Variants in NEDD4L observed in about 807,000 individuals in gnomAD.
The protein encoded by NEDD4L is E3 ubiquitin-protein ligase NEDD4-like.
In NEDD4L, 54 loss-of-function variants were observed where a neutral mutation model predicts 148.9. That is an observed-to-expected ratio of 0.36 (90% confidence interval 0.29 to 0.45). The LOEUF (loss-of-function observed/expected upper bound fraction) is 0.45. Ranked by LOEUF, NEDD4L falls within the 20% of genes least tolerant of loss-of-function variation. The pLI is 1.00. For synonymous variants in NEDD4L, 433 were observed against 440.7 expected (o/e 0.98, Z 0.22); for missense variants, 856 against 1,233.8 (o/e 0.69, Z 4.59).
intron 6 of NEDD4L, among the ~76,000 whole-genome samples, chr18:58,317,503 T>C (rs962411538): frequency 3.9e-5 from 6 of 152,180 alleles, no homozygotes; most frequent in African/African-American, 1.2e-4. Flanking sequence ...GAAATTATTT[T>C]CTGAGAGGCA....
intron 1 of NEDD4L, among the ~76,000 whole-genome samples, chr18:58,116,757 T>C (rs1219899244): frequency 3.3e-5 from 5 of 152,252 alleles, no homozygotes; most frequent in African/African-American, 1.2e-4. Context: ...TTAGGCAGAC[T>C]TAACATCCCC....
rs774438248 is a variant in NEDD4L, at chr18:58,328,975, C to G, written c.681-20C>G. The G allele has an allele frequency of 9.9e-6, 16 of 1,613,928 alleles. 1 individual carries two copies. In the South Asian group the frequency reaches 1.6e-4, roughly 17 times the overall value. On this transcript the variant is annotated intron_variant, in intron 9 of 30. Transcript: ENST00000400345. ...TCAACCACTTCTCTTCTTCTCTTTC[C>G]CCCTTTCCTGCATGCTCAGGGACGT...
rs2059195118 is a variant in NEDD4L, at chr18:58,325,115, T to C, written c.633T>C (p.Tyr211=). 2 of 1,613,930 alleles carry C rather than the reference T, an allele frequency of 1.2e-6. No homozygotes were observed. The highest frequency in any genetic ancestry group is 1.7e-6 in the Non-Finnish European group (2 of 1,179,898). The change falls in exon 9 of 31, where the codon TAT becomes TAC. Residue 211 remains tyrosine (Y), a synonymous_variant. Transcript: ENST00000400345. Reference sequence around the variant, plus strand: ...TGGACAATTTAGGCCGAACTTACTATGTCAACCACAACAACCGGACCACTC... The same window carrying C: ...TGGACAATTTAGGCCGAACTTACTACGTCAACCACAACAACCGGACCACTC... ...EKVDNLGRTY[Y]VNHNNRTTQW...
At chr18:58,245,140 G>C (rs186618515) in intron 2 of NEDD4L, among the ~76,000 whole-genome samples, 3 of 152,320 alleles carry the variant, frequency 2.0e-5, no homozygotes, top group African/African-American at 7.2e-5. Context: ...TGTAAAGTCT[G>C]AACAAAATCT....
intron 2 of NEDD4L, among the ~76,000 whole-genome samples, chr18:58,207,201 G>A (rs966266143): frequency 2.0e-5 from 3 of 152,120 alleles, no homozygotes; most frequent in Non-Finnish European, 4.4e-5. Flanking sequence ...ACAAGTAGCT[G>A]TATATCACGG....
At chr18:58,079,959 A>C (rs1238289038) in intron 1 of NEDD4L, among the ~76,000 whole-genome samples, 2 of 152,092 alleles carry the variant, frequency 1.3e-5, no homozygotes, top group Non-Finnish European at 2.9e-5. Context: ...GCAGAGCCTC[A>C]CTCTGTTGCC....
intron 5 of NEDD4L, among the ~76,000 whole-genome samples, chr18:58,298,335 G>T (rs2055974359): frequency 6.6e-6 from 1 of 152,170 alleles, no homozygotes; most frequent in South Asian, 2.1e-4. Context: ...GGGAATACCT[G>T]ATGTTCAGCT....
intron 1 of NEDD4L, chr18:58,046,838 C>T (rs778787245): frequency 1.5e-4 from 23 of 152,168 alleles, no homozygotes; most frequent in Admixed American, 1.4e-3. Context: ...GTATTTAGTT[C>T]CACACACATT....
chr18:58,062,685 T>A (rs1485350385), intron 1 of NEDD4L, among the ~76,000 whole-genome samples: 3 of 152,148 alleles, frequency 2.0e-5, no homozygotes, highest in Non-Finnish European at 4.4e-5. Flanking sequence ...TAGAAAATTT[T>A]GACAAAGAAA....
intron 1 of NEDD4L, among the ~76,000 whole-genome samples, chr18:58,055,470 G>C (rs1443741980): frequency 6.6e-6 from 1 of 152,148 alleles, no homozygotes; most frequent in Non-Finnish European, 1.5e-5. Context: ...TTAAAAGTGA[G>C]TTTAAAAATC....
At chr18:58,138,495 G>C (rs926747446) in intron 1 of NEDD4L, among the ~76,000 whole-genome samples, 1 of 151,914 alleles carries the variant, frequency 6.6e-6, no homozygotes, top group African/African-American at 2.4e-5. Flanking sequence ...GATACATTAC[G>C]AAGTAATGTG....
At chr18:58,341,939 C>A in intron 15 of NEDD4L, 142 bp downstream of exon 15, 1 of 919,018 alleles carries the variant, frequency 1.1e-6, no homozygotes, top group Non-Finnish European at 1.7e-6. Context: ...TGTTCTTGTG[C>A]AGCCTTTCTA....
chr18:58,332,375 C>T (rs907188397), intron 11 of NEDD4L, among the ~76,000 whole-genome samples: 1 of 152,270 alleles, frequency 6.6e-6, no homozygotes, highest in East Asian at 1.9e-4. Context: ...TGGCTGGGCA[C>T]GGTGGCTAAT....
chr18:58,341,958 T>C (rs890385933), intron 15 of NEDD4L, among the ~76,000 whole-genome samples, 161 bp downstream of exon 15: 1 of 152,236 alleles, frequency 6.6e-6, no homozygotes, highest in Non-Finnish European at 1.5e-5. Flanking sequence ...TACCTGCTTC[T>C]CTGTCTCGCC....
chr18:58,358,084 C>T (rs1430984554), intron 19 of NEDD4L, among the ~76,000 whole-genome samples: 1 of 152,200 alleles, frequency 6.6e-6, no homozygotes, highest in Non-Finnish European at 1.5e-5. Context: ...TGTTATATCA[C>T]ATGCTGAGCT....
intron 5 of NEDD4L, among the ~76,000 whole-genome samples, chr18:58,257,404 A>G (rs2048742163): frequency 6.6e-6 from 1 of 152,122 alleles, no homozygotes; most frequent in East Asian, 1.9e-4. Context: ...TAGTGACATT[A>G]CTATCCCACA....
At chr18:58,064,685 C>T (rs1480556730) in intron 1 of NEDD4L, among the ~76,000 whole-genome samples, 1 of 152,160 alleles carries the variant, frequency 6.6e-6, no homozygotes, top group Non-Finnish European at 1.5e-5. Context: ...ATTGAAGCCC[C>T]AGAAATCATG....
chr18:58,319,295 A>G (rs762429664), intron 6 of NEDD4L, among the ~76,000 whole-genome samples: 1 of 152,136 alleles, frequency 6.6e-6, no homozygotes, highest in Non-Finnish European at 1.5e-5. Context: ...TGAGCCTGTG[A>G]TGTGGTCAAG....
At chr18:58,336,176 A>G (rs1046893699) in intron 13 of NEDD4L, 1 of 152,264 alleles carries the variant, frequency 6.6e-6, no homozygotes. Context: ...AATGTATGGT[A>G]TTCCTGTCTG....
Sources: gnomAD v4.1 joint callset for allele counts (sites outside exome capture counted in the v4.1 genomes callset) on GRCh38, gnomAD v4.1.1 for gene constraint, MANE v1.5 for transcripts, NCBI Gene and HGNC (gene_info 2026-07-23, HGNC 2026-07-21) for gene names.